The following PPP2R2C variants were observed in gnomAD, a reference collection of about 807,000 sequenced individuals.
PPP2R2C encodes the protein protein phosphatase 2, regulatory subunit B, gamma.
PPP2R2C carries 10 observed loss-of-function variants against 45.3 expected under a neutral mutation model. The ratio of observed to expected loss-of-function variants is 0.22; its 90% CI spans 0.14 to 0.37. PPP2R2C has a LOEUF of 0.37. Among genes scored for constraint, PPP2R2C ranks in the 10% least tolerant of loss-of-function variants. The probability of loss-of-function intolerance (pLI) is 1.00; values close to 1 mark genes in which losing one functional copy is unlikely to be tolerated. For synonymous variants in PPP2R2C, 257 were observed against 245.4 expected (o/e 1.05, Z -0.44); for missense variants, 308 against 619.7 (o/e 0.50, Z 5.34).
At position 6,375,828 on chromosome 4, in the gene PPP2R2C, C is replaced by T. The variant is rs35368770; in HGVS notation, c.438G>A (p.Thr146=). 1,647 of 1,612,628 alleles carry T rather than the reference C, an allele frequency of 1.0e-3. 12 individuals are homozygous for T. The African/African-American group carries it at 0.019, about 19-fold the overall frequency. ...CCTCACCGGAGCTCACCTGCAGTGA[C>T]GTCACCGTGGACAGGTCCTTAAGTT... The part of the protein sequence containing the change: ...EGKLKDLSTV[T]SLQVPVLKPM... The change falls in exon 4 of 9, where the codon ACG becomes ACA. Residue 146 remains threonine, a synonymous_variant. Transcript: ENST00000382599.
intron 1 of PPP2R2C, among the ~76,000 whole-genome samples, chr4:6,451,687 G>A (rs2108746899): frequency 6.6e-6 from 1 of 152,216 alleles, no homozygotes; most frequent in Non-Finnish European, 1.5e-5. Context: ...GGAGGTTTGG[G>A]GATGGCCAGG....
At chr4:6,431,800 G>A (rs866383755) in intron 1 of PPP2R2C, among the ~76,000 whole-genome samples, 10 of 152,148 alleles carry the variant, frequency 6.6e-5, no homozygotes, top group South Asian at 4.1e-4. Flanking sequence ...TGGAGGATGG[G>A]CCGTGGACTT....
At chr4:6,352,826 C>A (rs753320809) in intron 5 of PPP2R2C, among the ~76,000 whole-genome samples, 1 of 152,148 alleles carries the variant, frequency 6.6e-6, no homozygotes, top group African/African-American at 2.4e-5. Context: ...GGAGTGTGAT[C>A]TCATTTGGGA....
intron 2 of PPP2R2C, among the ~76,000 whole-genome samples, chr4:6,480,899 G>A (rs1701035117): frequency 1.3e-5 from 2 of 152,232 alleles, no homozygotes; most frequent in African/African-American, 4.8e-5. Context: ...TGCATTTCCT[G>A]ATTCCTAGTG....
intron 1 of PPP2R2C, among the ~76,000 whole-genome samples, chr4:6,393,988 A>C (rs1716840890): frequency 6.6e-6 from 1 of 152,226 alleles, no homozygotes; most frequent in African/African-American, 2.4e-5. Flanking sequence ...GACAGGGTCA[A>C]GGTGAGGGAG....
intron 2 of PPP2R2C, among the ~76,000 whole-genome samples, chr4:6,478,559 G>A (rs534976334): frequency 2.6e-5 from 4 of 152,296 alleles, no homozygotes; most frequent in East Asian, 1.9e-4. Context: ...TGAGAAACAC[G>A]CATGTGATAT....
chr4:6,350,503 C>G (rs1238403165), intron 5 of PPP2R2C: 39 of 985,468 alleles, frequency 4.0e-5, no homozygotes, highest in Non-Finnish European at 4.7e-5. Flanking sequence ...CAGAAGCGCC[C>G]AGGAACGTGA....
chr4:6,444,087 C>T (rs1007521645), intron 1 of PPP2R2C, among the ~76,000 whole-genome samples: 3 of 152,104 alleles, frequency 2.0e-5, no homozygotes, highest in Non-Finnish European at 4.4e-5. Flanking sequence ...GGTCCAAATG[C>T]CTGATTAGGA....
rs1250562930 is a variant in PPP2R2C, at chr4:6,368,599, C to T, written c.625+3924G>A. On this transcript the variant is annotated intron_variant, in intron 5 of 8. Coordinates refer to ENST00000382599, the MANE Select transcript of PPP2R2C (RefSeq NM_020416.4). The surrounding 1 kb of genome is among the most constrained non-coding windows in gnomAD (Gnocchi z 4.2). ...ACTTTGCAGTCCTGGGATGAACCAA[C>T]CCCCTTTTCTTCTTTACAGCCAACC... Among the ~76,000 whole-genome samples, 1 of 152,178 alleles carries T rather than the reference C, an allele frequency of 6.6e-6. No homozygotes were observed. The highest frequency in any genetic ancestry group is 1.5e-5 in the Non-Finnish European group (1 of 68,030).
At chr4:6,512,218 GT>G (rs1723618049) in intron 2 of PPP2R2C, among the ~76,000 whole-genome samples, 1 of 58,042 alleles carries the variant, frequency 1.7e-5, no homozygotes. Context: ...GGTGATGGTG[GT>G]GTTGGTGGTG....
At chr4:6,445,082 G>A (rs183729951) in intron 1 of PPP2R2C, among the ~76,000 whole-genome samples, 21 of 152,220 alleles carry the variant, frequency 1.4e-4, no homozygotes, top group Admixed American at 1.1e-3. Flanking sequence ...CCAGCTACTC[G>A]GGAGGCTGAG....
At chr4:6,352,911 A>G (rs1259837333) in intron 5 of PPP2R2C, among the ~76,000 whole-genome samples, 3 of 152,140 alleles carry the variant, frequency 2.0e-5, no homozygotes, top group African/African-American at 7.2e-5. Flanking sequence ...CCCTAAATGC[A>G]ATGACAAGTG....
intron 2 of PPP2R2C, among the ~76,000 whole-genome samples, chr4:6,495,255 T>C (rs1253545298): frequency 6.6e-6 from 1 of 152,192 alleles, no homozygotes; most frequent in African/African-American, 2.4e-5. Context: ...CCAAGTGACA[T>C]CAAGCCATCG....
intron 5 of PPP2R2C, among the ~76,000 whole-genome samples, chr4:6,363,004 TTA>T (rs1162941341): frequency 6.6e-6 from 1 of 152,158 alleles, no homozygotes; most frequent in Non-Finnish European, 1.5e-5. Flanking sequence ...ATTCAACCAG[TTA>T]ACATCGGCAG....
In PPP2R2C at chr4:6,401,685, T is replaced by C. The variant is rs571623382; in HGVS notation, c.71-20591A>G. Among the ~76,000 whole-genome samples the C allele has an allele frequency of 2.6e-5, 4 of 152,232 alleles. No individual in the cohort carries two copies. In the South Asian group the frequency reaches 8.3e-4, roughly 32 times the overall value. On this transcript the variant is annotated intron_variant, in intron 1 of 8. Coordinates refer to ENST00000382599, the MANE Select transcript of PPP2R2C (RefSeq NM_020416.4). ...CTCTGTCATCACAATTTTATCCAAG[T>C]GTCTCCAGGGACCACACCAATGAGT...
chr4:6,462,102 C>T (rs1577201342), intron 1 of PPP2R2C, among the ~76,000 whole-genome samples: 1 of 152,224 alleles, frequency 6.6e-6, no homozygotes, highest in South Asian at 2.1e-4. Flanking sequence ...AGAAAGGGGT[C>T]CTGGAGGAGA....
Position 6,503,616 on chromosome 4 carries a change from G to T in PPP2R2C, c.49+31655C>A, listed in dbSNP as rs563560760. 2.0e-5 allele frequency among the ~76,000 whole-genome samples: 3 copies of T among 152,214 alleles called. No individual in the cohort carries two copies. In the East Asian group the frequency reaches 5.8e-4, roughly 29 times the overall value. On this transcript the variant is annotated intron_variant, in intron 2 of 9. Transcript: ENST00000506140. ...TAAATAACCAATTTGACAGTTTTGT[G>T]TGAAGTCCCAGACACTGACCCAAGA...
intron 1 of PPP2R2C, among the ~76,000 whole-genome samples, chr4:6,457,207 C>CAAAAAAAAAA (rs34145628): frequency 2.4e-4 from 21 of 88,806 alleles, no homozygotes; most frequent in East Asian, 3.1e-4. Context: ...GACTCCATCT[C>CAAAAAAAAAA]AAAAAAAAAA....
rs61011461 is a variant in PPP2R2C at position 6,355,993 on chromosome 4, GA to G, written c.626-7984del. On this transcript the variant is annotated intron_variant, in intron 5 of 8. Transcript: ENST00000382599. ...GGGTGACAGAGTGAGACTCTGCCTG[GA>G]AAAAAAAAAAAAAAAAAAAAAAGAG... Among the ~76,000 whole-genome samples the G allele has an allele frequency of 4.4e-3, 426 of 97,814 alleles. 5 individuals carry two copies. Among genetic ancestry groups the G allele is most frequent in the Middle Eastern group, 0.014 (2 of 148 alleles). The allele number at this position is 97,814 out of a possible 152,430, so 64.2% of individuals were successfully genotyped here.
Sources: allele counts gnomAD v4.1 joint callset (sites outside exome capture counted in the v4.1 genomes callset), GRCh38; gene constraint gnomAD v4.1.1; non-coding constraint Gnocchi (gnomAD v3.1); transcripts MANE v1.5; gene names NCBI Gene and HGNC (gene_info 2026-07-23, HGNC 2026-07-21).